Variants in NEGR1 observed in about 807,000 individuals in gnomAD.
NEGR1 encodes IgLON family member 4.
NEGR1 carries 10 observed loss-of-function variants against 40.9 expected under a neutral mutation model. That is an observed-to-expected ratio of 0.24 (90% CI 0.15 to 0.42). NEGR1 has a LOEUF of 0.42. Among genes scored for constraint, NEGR1 ranks in the 10% least tolerant of loss-of-function variants. The pLI is 1.00. For synonymous variants in NEGR1, 185 were observed against 166.8 expected, an observed-to-expected ratio of 1.11 and a Z score of -0.84; for missense variants, 352 against 438.9, an observed-to-expected ratio of 0.80 and a Z score of 1.77.
chr1:71,783,833 T>A (rs548084184), intron 2 of NEGR1, among the ~76,000 whole-genome samples: 8 of 132,076 alleles, frequency 6.1e-5, no homozygotes, highest in African/African-American at 2.1e-4. Flanking sequence ...AATTCATCCA[T>A]CCACCCGTCC....
chr1:72,077,497 A>G (rs985923540), intron 1 of NEGR1, among the ~76,000 whole-genome samples: 13 of 152,016 alleles, frequency 8.6e-5, no homozygotes, highest in Admixed American at 8.5e-4. Context: ...ATTACTTTAA[A>G]ATTGTATTTT....
At chr1:72,140,271 GATT>G (rs1461190951) in intron 1 of NEGR1, among the ~76,000 whole-genome samples, 2 of 149,446 alleles carry the variant, frequency 1.3e-5, no homozygotes, top group African/African-American at 5.1e-5. Flanking sequence ...TTTTTTAAAG[GATT>G]ATGTGTTAGT....
chr1:71,582,837 C>T (rs1649181994), intron 6 of NEGR1, among the ~76,000 whole-genome samples: 1 of 152,210 alleles, frequency 6.6e-6, no homozygotes, highest in African/African-American at 2.4e-5. Context: ...CTGAGTAATT[C>T]AATTGCAGGC....
chr1:71,705,232 T>C (rs1249964006), intron 3 of NEGR1, among the ~76,000 whole-genome samples: 3 of 152,180 alleles, frequency 2.0e-5, no homozygotes, highest in Non-Finnish European at 2.9e-5. Context: ...TCGTACTTTA[T>C]ACATAAATTA....
rs919784302 is a variant in NEGR1, at chr1:72,075,624, G to A, written c.177-140313C>T. 1.1e-4 allele frequency among the ~76,000 whole-genome samples: 16 copies of A among 152,158 alleles called. No individual in the cohort carries two copies. The East Asian group carries it at 2.9e-3, about 27-fold the overall frequency. On this transcript the variant is annotated intron_variant, in intron 1 of 6. Transcript: ENST00000357731. ...TATGGTGCTGACCATCTGGATGAAT[G>A]AATGCTACAGATGACTACCCAGGTC...
intron 2 of NEGR1, among the ~76,000 whole-genome samples, chr1:71,934,496 T>G (rs183717464): frequency 1.1e-3 from 172 of 152,284 alleles, no homozygotes; most frequent in Middle Eastern, 0.01. Context: ...TCATTGTGAC[T>G]TGAATCAAAG....
At chr1:71,504,533 A>C (rs1647020025) in intron 6 of NEGR1, among the ~76,000 whole-genome samples, 1 of 152,144 alleles carries the variant, frequency 6.6e-6, no homozygotes, top group South Asian at 2.1e-4. Context: ...GGAAATAAGA[A>C]AAAAAAGGCA....
chr1:71,505,107 A>G (rs890326710), intron 6 of NEGR1, among the ~76,000 whole-genome samples: 5 of 152,218 alleles, frequency 3.3e-5, no homozygotes, highest in East Asian at 3.9e-4. Context: ...CCGTTAATAA[A>G]GGGATTCATT....
At chr1:72,181,147 G>C (rs1476097739) in intron 1 of NEGR1, among the ~76,000 whole-genome samples, 2 of 152,094 alleles carry the variant, frequency 1.3e-5, no homozygotes, top group Admixed American at 1.3e-4. Flanking sequence ...TTTTAGATGA[G>C]TTTATTTGAC....
At chr1:71,806,264 C>A (rs1441225202) in intron 2 of NEGR1, among the ~76,000 whole-genome samples, 3 of 151,738 alleles carry the variant, frequency 2.0e-5, no homozygotes, top group African/African-American at 4.8e-5. Context: ...ATTAAAAATT[C>A]TAGCTCCTGA....
In NEGR1 at chr1:71,470,299, C is replaced by G. The variant is rs1390653916; in HGVS notation, c.941-62729G>C. Among the ~76,000 whole-genome samples the G allele has an allele frequency of 2.6e-5, 4 of 151,952 alleles. No individual in the cohort carries two copies. In the East Asian group the frequency reaches 7.7e-4, roughly 29 times the overall value. ...AGATACTGACTTCACAAAATGCAAC[C>G]CTTTGTATGTGTTTTAGGTACTTTG... On this transcript the variant is annotated intron_variant, in intron 6 of 6. Transcript: ENST00000357731.
intron 2 of NEGR1, among the ~76,000 whole-genome samples, chr1:71,816,639 A>G (rs552623827): frequency 6.6e-6 from 1 of 152,168 alleles, no homozygotes; most frequent in South Asian, 2.1e-4. Flanking sequence ...GGTGGGGATT[A>G]TGGGAGCTAC....
chr1:71,960,467 A>G (rs1438183478), intron 1 of NEGR1, among the ~76,000 whole-genome samples: 1 of 152,204 alleles, frequency 6.6e-6, no homozygotes, highest in Non-Finnish European at 1.5e-5. Flanking sequence ...GAATCTGATA[A>G]AAGCAACTGC....
chr1:72,097,029 C>A (rs930708266), intron 1 of NEGR1, among the ~76,000 whole-genome samples: 4 of 152,208 alleles, frequency 2.6e-5, no homozygotes, highest in Non-Finnish European at 5.9e-5. Context: ...ATATTTTGCA[C>A]TTTCAAGTTT....
intron 6 of NEGR1, among the ~76,000 whole-genome samples, chr1:71,509,455 A>T (rs1647058567): frequency 6.6e-6 from 1 of 152,220 alleles, no homozygotes; most frequent in African/African-American, 2.4e-5. Context: ...CTGGTGAGTC[A>T]GGCAATGGCA....
intron 1 of NEGR1, among the ~76,000 whole-genome samples, chr1:71,962,058 T>C (rs1412635156): frequency 6.6e-6 from 1 of 152,092 alleles, no homozygotes; most frequent in African/African-American, 2.4e-5. Flanking sequence ...AAGTTGACTG[T>C]TGGCAAGTAT....
chr1:71,453,043 C>T (rs1010760166), intron 6 of NEGR1, among the ~76,000 whole-genome samples: 3 of 152,140 alleles, frequency 2.0e-5, no homozygotes, highest in Non-Finnish European at 4.4e-5. Context: ...AGGCAAATTA[C>T]TGGAAGACTA....
chr1:71,901,768 T>A (rs1661150785), intron 2 of NEGR1, among the ~76,000 whole-genome samples: 1 of 150,642 alleles, frequency 6.6e-6, no homozygotes, highest in African/African-American at 2.5e-5. Flanking sequence ...CCTCCCGGGT[T>A]CAAGCGATTC....
intron 1 of NEGR1, among the ~76,000 whole-genome samples, chr1:72,008,242 A>G (rs1646625571): frequency 6.6e-6 from 1 of 152,108 alleles, no homozygotes; most frequent in African/African-American, 2.4e-5. Flanking sequence ...CATAGTTAAT[A>G]AGTAGATTAA....
Sources: allele counts gnomAD v4.1 joint callset (sites outside exome capture counted in the v4.1 genomes callset), GRCh38; gene constraint gnomAD v4.1.1; transcripts MANE v1.5; gene names NCBI Gene and HGNC (gene_info 2026-07-23, HGNC 2026-07-21).